The following AHRR variants were observed in gnomAD, a reference collection of about 807,000 sequenced individuals.
AHRR encodes the protein aryl hydrocarbon receptor repressor.
In AHRR, 28 loss-of-function variants were observed where a neutral mutation model predicts 44.0. That is an observed-to-expected ratio of 0.64 (90% CI 0.47 to 0.87). The LOEUF is 0.87. Ranked by LOEUF, AHRR falls within the 40% of genes least tolerant of loss-of-function variation. The pLI, the probability that AHRR is intolerant of heterozygous loss-of-function variation, is 0.00. For synonymous variants in AHRR, 434 were observed against 407.0 expected, an observed-to-expected ratio of 1.07 and a Z score of -0.80; for missense variants, 990 against 953.9, an observed-to-expected ratio of 1.04 and a Z score of -0.50.
intron 4 of AHRR, among the ~76,000 whole-genome samples, chr5:377,480 C>G (rs1166641918): frequency 6.6e-6 from 1 of 152,070 alleles, no homozygotes; most frequent in African/African-American, 2.4e-5. Flanking sequence ...AGGGTGGGCT[C>G]CAGCCGGAAC....
intron 1 of AHRR, among the ~76,000 whole-genome samples, chr5:328,710 T>C (rs552109026): frequency 9.1e-4 from 138 of 152,328 alleles, no homozygotes; most frequent in African/African-American, 3.2e-3. Flanking sequence ...GTCCTTTGCT[T>C]ACTTTTTAAT....
chr5:356,072 C>T (rs191801095), intron 3 of AHRR, among the ~76,000 whole-genome samples: 10 of 152,312 alleles, frequency 6.6e-5, no homozygotes, highest in Admixed American at 3.9e-4. Flanking sequence ...TTGGGAAGGA[C>T]ATGAACCAGG....
At chr5:394,972 C>T (rs1179474312) in intron 4 of AHRR, among the ~76,000 whole-genome samples, 1 of 152,220 alleles carries the variant, frequency 6.6e-6, no homozygotes, top group East Asian at 1.9e-4. Context: ...GGATCTTGCC[C>T]CTCAGGCCCC....
chr5:435,821 G>A lies in AHRR; in HGVS notation c.*987G>A, dbSNP rs1366670228. On this transcript the variant is annotated 3_prime_UTR_variant, in exon 11 of 11. Transcript: ENST00000684583. ...GAATAATTAGGGACAAGACAGACAA[G>A]TATTAATAGCATTAAAACAGTTGTA... 6.5e-6 allele frequency: 1 copy of A among 152,724 alleles called. No individual in the cohort carries two copies. The highest frequency in any genetic ancestry group is 2.4e-5 in the African/African-American group (1 of 41,452). The allele number at this position is 152,724 out of a possible 1,614,324, so 9.5% of individuals were successfully genotyped here.
In AHRR at chr5:388,560, C is replaced by T. The variant is rs767572085; in HGVS notation, c.351+11844C>T. Among the ~76,000 whole-genome samples, 1 of 152,176 alleles carries T rather than the reference C, an allele frequency of 6.6e-6. No homozygotes were observed. The highest frequency in any genetic ancestry group is 2.4e-5 in the African/African-American group (1 of 41,438). On this transcript the variant is annotated intron_variant, in intron 4 of 10. Transcript: ENST00000684583. This position sits in a 1 kb window ranked among gnomAD's most constrained non-coding sequence, Gnocchi z 5.2. ...CCGGCAGGTCTCTTCCAAACCAGGGCGTCTGCGGTGGCCCTGAGCCGAGGC... is the reference window on the plus strand; with the variant it reads ...CCGGCAGGTCTCTTCCAAACCAGGGTGTCTGCGGTGGCCCTGAGCCGAGGC...
chr5:420,902 G>A (rs1736069911), intron 5 of AHRR: 1 of 321,682 alleles, frequency 3.1e-6, no homozygotes, highest in South Asian at 2.5e-5. Context: ...CACGCACGCA[G>A]CACGCACGCA....
At position 395,024 on chromosome 5, in the gene AHRR, C is replaced by T. The variant is rs868685553; in HGVS notation, c.351+18308C>T. 2.0e-5 allele frequency among the ~76,000 whole-genome samples: 3 copies of T among 152,210 alleles called. No individual in the cohort carries two copies. The South Asian group carries it at 6.2e-4, about 32-fold the overall frequency. ...TGTCGCCCCCCAGGCAGGGCTGTCT[C>T]GAGGCATCTTGGGAGGGCAAAGGCA... On this transcript the variant is annotated intron_variant, in intron 4 of 10. Transcript: ENST00000684583. This position sits in a 1 kb window ranked among gnomAD's most constrained non-coding sequence, Gnocchi z 5.3.
At chr5:367,752 T>A in intron 3 of AHRR, 2 of 675,816 alleles carry the variant, frequency 3.0e-6, no homozygotes, top group Admixed American at 2.1e-5. Flanking sequence ...TCTCTCCTAG[T>A]GCTTAACTCG....
chr5:434,750 G>C lies in AHRR; in HGVS notation c.2010G>C (p.Gln670His), dbSNP rs1206072631. ...CACCCCAGTGGGCTACTCACAGCCAGGGAATGGTGCCCGGGATGTTGCCCA... is the reference window on the plus strand; with the variant it reads ...CACCCCAGTGGGCTACTCACAGCCACGGAATGGTGCCCGGGATGTTGCCCA... Reference protein sequence around the residue: ...LDSPQWATHSQGMVPGMLPKS... With the variant: ...LDSPQWATHSHGMVPGMLPKS... The change falls in exon 11 of 11, where the codon CAG becomes CAC. Residue 670 changes from glutamine to histidine, a missense_variant. Gln to His is a conservative substitution (Grantham distance 24, BLOSUM62 0). Transcript: ENST00000684583. 2.6e-6 allele frequency: 4 copies of C among 1,567,652 alleles called. No individual in the cohort carries two copies. The East Asian group carries it at 7.1e-5, about 28-fold the overall frequency.
intron 3 of AHRR, among the ~76,000 whole-genome samples, chr5:363,491 G>T (rs1393427595): frequency 3.3e-5 from 5 of 152,206 alleles, no homozygotes; most frequent in Non-Finnish European, 7.3e-5. Flanking sequence ...CTTCTGGGCA[G>T]GATTTAAGAC....
intron 2 of AHRR, among the ~76,000 whole-genome samples, chr5:345,203 T>G (rs1352142048): frequency 5.4e-5 from 1 of 18,610 alleles, no homozygotes; most frequent in African/African-American, 2.2e-4. Context: ...TGTGTGTGTG[T>G]GTGTGTGTGT....
chr5:424,368 GTGTTAA>G (rs1736287902), intron 7 of AHRR, among the ~76,000 whole-genome samples: 1 of 113,594 alleles, frequency 8.8e-6, no homozygotes, highest in Admixed American at 9.5e-5. Flanking sequence ...TGGTGTGGGG[GTGTTAA>G]CCCATGTGTC....
At chr5:356,064 G>A (rs888791528) in intron 3 of AHRR, among the ~76,000 whole-genome samples, 1 of 152,232 alleles carries the variant, frequency 6.6e-6, no homozygotes, top group African/African-American at 2.4e-5. Flanking sequence ...AGTTGCCTTT[G>A]GGAAGGACAT....
In AHRR at chr5:395,422, G is replaced by C. The variant is rs1284715551; in HGVS notation, c.352-17922G>C. ...GAAGGGCAGCTGACTCACCAGCCCA[G>C]AGCAGGGGAATCTCACCAGTTCCCT... On this transcript the variant is annotated intron_variant, in intron 4 of 10. Transcript: ENST00000684583. This position sits in a 1 kb window ranked among gnomAD's most constrained non-coding sequence, Gnocchi z 5.3. Among the ~76,000 whole-genome samples the C allele has an allele frequency of 6.6e-6, 1 of 152,252 alleles. No individual in the cohort carries two copies. Among genetic ancestry groups the C allele is most frequent in the East Asian group, 1.9e-4 (1 of 5,196 alleles).
At chr5:397,008 G>A (rs1430180690) in intron 4 of AHRR, among the ~76,000 whole-genome samples, 1 of 144,476 alleles carries the variant, frequency 6.9e-6, no homozygotes, top group Non-Finnish European at 1.5e-5. Flanking sequence ...GACCATCCAC[G>A]TTAGCCCCTG....
At position 370,287 on chromosome 5, in the gene AHRR, T is replaced by C. The variant is rs1211922058; in HGVS notation, c.245-6323T>C. 5.9e-5 allele frequency among the ~76,000 whole-genome samples: 9 copies of C among 152,024 alleles called. No homozygotes were observed. The highest frequency in any genetic ancestry group is 1.9e-4 in the African/African-American group (8 of 41,462). On this transcript the variant is annotated intron_variant, in intron 3 of 10. Transcript: ENST00000684583. The surrounding 1 kb of genome is among the most constrained non-coding windows in gnomAD (Gnocchi z 4.5). ...CCTGGGCCCTCGCTGGAAGCTCTGC[T>C]CATTTACTCCCCGTGTTACGGTTGT...
At chr5:397,182 T>C (rs1579664624) in intron 4 of AHRR, among the ~76,000 whole-genome samples, 1 of 100,726 alleles carries the variant, frequency 9.9e-6, no homozygotes, top group South Asian at 3.8e-4. Context: ...TGACCATCCA[T>C]GTTAGCCCCT....
chr5:366,860 C>T (rs1420500020), intron 3 of AHRR, among the ~76,000 whole-genome samples: 1 of 150,542 alleles, frequency 6.6e-6, no homozygotes, highest in East Asian at 1.9e-4. Flanking sequence ...AAATAACTCA[C>T]CTGTAATCTC....
chr5:353,847 G>A lies in AHRR; in HGVS notation c.180G>A (p.Lys60=). 1 of 1,614,140 alleles carries A rather than the reference G, an allele frequency of 6.2e-7. No homozygotes were observed. Among genetic ancestry groups the A allele is most frequent in the Non-Finnish European group, 8.5e-7 (1 of 1,180,014 alleles). ...CGTTCCCGCCTGACATCATCTCCAAGCTGGACAAGCTTTCTGTCCTGCGCC... is the reference window on the plus strand; with the variant it reads ...CGTTCCCGCCTGACATCATCTCCAAACTGGACAAGCTTTCTGTCCTGCGCC... ...LLPFPPDIIS[K]LDKLSVLRLS... Residue 60 remains lysine, a synonymous_variant, in exon 3 of 11, where the codon AAG becomes AAA. Coordinates refer to ENST00000684583, the MANE Select transcript of AHRR (RefSeq NM_001377236.1).
Sources: gnomAD v4.1 joint callset for allele counts (sites outside exome capture counted in the v4.1 genomes callset) on GRCh38, gnomAD v4.1.1 for gene constraint, Gnocchi (gnomAD v3.1) non-coding constraint, MANE v1.5 for transcripts, NCBI Gene and HGNC (gene_info 2026-07-23, HGNC 2026-07-21) for gene names.